Variants in DTNA observed in about 807,000 individuals in gnomAD.
DTNA encodes dystrobrevin alpha.
Under a neutral mutation model 100.7 loss-of-function variants are expected in DTNA, and 43 were observed. That is an observed-to-expected ratio of 0.43 (90% CI 0.33 to 0.55). DTNA has a LOEUF of 0.55. DTNA is among the 20% of genes least tolerant of loss of function. The pLI, the probability that DTNA is intolerant of heterozygous loss-of-function variation, is 0.04. For missense variants in DTNA, 798 were observed against 953.9 expected (o/e 0.84, Z 2.15); for synonymous variants, 349 against 347.9 (o/e 1.00, Z -0.04).
chr18:34,499,723 C>T (rs777178042), intron 1 of DTNA, among the ~76,000 whole-genome samples: 1 of 152,150 alleles, frequency 6.6e-6, no homozygotes, highest in Non-Finnish European at 1.5e-5. Context: ...TTCCTTAAGA[C>T]TAATGATGGT....
intron 1 of DTNA, among the ~76,000 whole-genome samples, chr18:34,601,985 A>G (rs1186759661): frequency 1.3e-5 from 2 of 152,202 alleles, no homozygotes; most frequent in Non-Finnish European, 2.9e-5. Flanking sequence ...AATTGAATAC[A>G]ATTCTAATCC....
chr18:34,569,031 G>T (rs981308886), intron 1 of DTNA, among the ~76,000 whole-genome samples: 3 of 152,168 alleles, frequency 2.0e-5, no homozygotes, highest in African/African-American at 7.2e-5. Context: ...GGTATTTCCA[G>T]CACAAAACTT....
At chr18:34,701,771 C>G (rs146605344) in intron 1 of DTNA, among the ~76,000 whole-genome samples, 1 of 152,238 alleles carries the variant, frequency 6.6e-6, no homozygotes, top group Non-Finnish European at 1.5e-5. Context: ...TATTCTCACT[C>G]GTTTTCCCAC....
At chr18:34,788,854 C>T (rs1394207444) in intron 3 of DTNA, among the ~76,000 whole-genome samples, 1 of 152,172 alleles carries the variant, frequency 6.6e-6, no homozygotes, top group Non-Finnish European at 1.5e-5. Flanking sequence ...TTTGGACTCA[C>T]AGATCTTATA....
chr18:34,653,037 C>A (rs1290661553), intron 1 of DTNA, among the ~76,000 whole-genome samples: 2 of 152,152 alleles, frequency 1.3e-5, no homozygotes, highest in South Asian at 2.1e-4. Context: ...AGTATAATTT[C>A]TCTTAAATGT....
intron 1 of DTNA, among the ~76,000 whole-genome samples, chr18:34,617,541 G>A (rs1264300788): frequency 6.6e-6 from 1 of 152,072 alleles, no homozygotes; most frequent in African/African-American, 2.4e-5. Flanking sequence ...TTTCCTTGAG[G>A]ATTTTTGCAT....
At chr18:34,866,757 TC>T in intron 17 of DTNA, 1 of 990,034 alleles carries the variant, frequency 1.0e-6, no homozygotes, top group African/African-American at 1.7e-5. Flanking sequence ...TTTTGGCTCT[TC>T]CCCAAAGCAG....
In DTNA at chr18:34,728,218, T is replaced by C. The variant is rs186758951; in HGVS notation, c.-2+17773T>C. On this transcript the variant is annotated intron_variant, in intron 1 of 22. Transcript: ENST00000444659. ...AGTATGGTTTTTATCTTCTTTTGTATAATTATTGGAGTTTTTCTATATGTT... is the reference window on the plus strand; with the variant it reads ...AGTATGGTTTTTATCTTCTTTTGTACAATTATTGGAGTTTTTCTATATGTT... Among the ~76,000 whole-genome samples, 48 of 152,298 alleles carry C rather than the reference T, an allele frequency of 3.2e-4. 1 individual carries two copies. The highest frequency in any genetic ancestry group is 1.1e-3 in the African/African-American group (45 of 41,554).
At chr18:34,683,364 C>T (rs1174499153) in intron 1 of DTNA, 1 of 152,256 alleles carries the variant, frequency 6.6e-6, no homozygotes, top group East Asian at 1.9e-4. Context: ...GTATTAAAGT[C>T]GCTTTTCACT....
chr18:34,867,653 T>A (rs927536502), intron 17 of DTNA: 2 of 990,680 alleles, frequency 2.0e-6, no homozygotes, highest in Non-Finnish European at 2.4e-6. Flanking sequence ...CCTGTCGTCA[T>A]CAGCCTTGCT....
At chr18:34,697,727 C>T (rs1434320948) in intron 1 of DTNA, among the ~76,000 whole-genome samples, 1 of 152,124 alleles carries the variant, frequency 6.6e-6, no homozygotes, top group African/African-American at 2.4e-5. Flanking sequence ...GAGGTGACAA[C>T]TTCCTTGTTC....
At chr18:34,590,453 G>C (rs1451542118) in intron 1 of DTNA, among the ~76,000 whole-genome samples, 1 of 152,104 alleles carries the variant, frequency 6.6e-6, no homozygotes, top group Non-Finnish European at 1.5e-5. Context: ...ATCCCTTAAG[G>C]ATATTTATTA....
At chr18:34,720,430 A>C (rs1178106577) in intron 1 of DTNA, among the ~76,000 whole-genome samples, 1 of 152,188 alleles carries the variant, frequency 6.6e-6, no homozygotes, top group Non-Finnish European at 1.5e-5. Context: ...CCAGCAGGGA[A>C]TGATGCTGTT....
chr18:34,866,072 C>G, intron 17 of DTNA: 1 of 1,611,066 alleles, frequency 6.2e-7, no homozygotes, highest in Non-Finnish European at 8.5e-7. Flanking sequence ...TATTGGAACC[C>G]TGGGTAATCT....
Position 34,832,904 on chromosome 18 carries a change from C to T in DTNA, c.1175+3415C>T, listed in dbSNP as rs190882716. Among the ~76,000 whole-genome samples the T allele has an allele frequency of 4.4e-3, 675 of 152,234 alleles. 1 individual carries two copies. Among genetic ancestry groups the T allele is most frequent in the Non-Finnish European group, 6.3e-3 (430 of 68,014 alleles). Reference sequence around the variant, plus strand: ...TTCTAGTGAGAAGGAAAATTTTATACACTATAGATAGTTACTTAAGGAGGC... The same window carrying T: ...TTCTAGTGAGAAGGAAAATTTTATATACTATAGATAGTTACTTAAGGAGGC... On this transcript the variant is annotated intron_variant, in intron 11 of 22. Coordinates refer to ENST00000444659, the MANE Select transcript of DTNA (RefSeq NM_001386795.1).
chr18:34,740,178 G>C lies in DTNA; in HGVS notation c.-1-15798G>C, dbSNP rs187362292. 2.0e-3 allele frequency among the ~76,000 whole-genome samples: 309 copies of C among 152,192 alleles called. 2 individuals carry two copies. The highest frequency in any genetic ancestry group is 7.2e-3 in the African/African-American group (297 of 41,526). On this transcript the variant is annotated intron_variant, in intron 1 of 22. Coordinates refer to ENST00000444659, the MANE Select transcript of DTNA (RefSeq NM_001386795.1). ...TTTTTTAGTAGTTATTTCTTAATCA[G>C]TGTCTTATCATTTCCAGGTAGTAGT... is the stretch of plus-strand genomic sequence containing the variant.
intron 1 of DTNA, among the ~76,000 whole-genome samples, chr18:34,661,885 A>G (rs377406831): frequency 6.6e-6 from 1 of 152,174 alleles, no homozygotes; most frequent in East Asian, 1.9e-4. Context: ...TTGGGGCAAC[A>G]TTTATAAATT....
intron 2 of DTNA, among the ~76,000 whole-genome samples, chr18:34,765,670 G>C (rs760088049): frequency 2.5e-4 from 38 of 152,194 alleles, no homozygotes; most frequent in Non-Finnish European, 5.0e-4. Flanking sequence ...TGAGCAGACT[G>C]TTTTCAGAAG....
intron 3 of DTNA, among the ~76,000 whole-genome samples, chr18:34,773,540 T>C (rs2093891432): frequency 6.6e-6 from 1 of 152,228 alleles, no homozygotes; most frequent in African/African-American, 2.4e-5. Flanking sequence ...ATGTTAGTGT[T>C]GTTGCAAATG....
Sources: gnomAD v4.1 joint callset for allele counts (sites outside exome capture counted in the v4.1 genomes callset) on GRCh38, gnomAD v4.1.1 for gene constraint, MANE v1.5 for transcripts, NCBI Gene and HGNC (gene_info 2026-07-23, HGNC 2026-07-21) for gene names.